The following SLC38A9 variants were observed in gnomAD, a reference collection of about 807,000 sequenced individuals.
SLC38A9 encodes neutral amino acid transporter 9.
SLC38A9 carries 48 observed loss-of-function variants against 62.3 expected under a neutral mutation model. The observed-to-expected ratio is 0.77, with a 90% CI of 0.61 to 0.98. The LOEUF is 0.98. Among genes scored for constraint, SLC38A9 ranks in the 50% least tolerant of loss-of-function variants. The pLI is 0.00. For missense variants in SLC38A9, 541 were observed against 679.8 expected (o/e 0.80, Z 2.27); for synonymous variants, 204 against 227.7 (o/e 0.90, Z 0.94).
intron 8 of SLC38A9, among the ~76,000 whole-genome samples, chr5:55,661,826 C>T (rs1374884221): frequency 6.6e-6 from 1 of 152,030 alleles, no homozygotes; most frequent in Non-Finnish European, 1.5e-5. Context: ...TACAGAGTTC[C>T]TATAGGTAAG....
At chr5:55,689,769 T>G (rs1754470674) in intron 3 of SLC38A9, among the ~76,000 whole-genome samples, 1 of 152,182 alleles carries the variant, frequency 6.6e-6, no homozygotes, top group African/African-American at 2.4e-5. Flanking sequence ...TTTTTTGACT[T>G]TATGATGGTT....
chr5:55,670,402 A>G (rs900505727), intron 4 of SLC38A9, among the ~76,000 whole-genome samples: 5 of 152,260 alleles, frequency 3.3e-5, no homozygotes, highest in African/African-American at 1.2e-4. Flanking sequence ...TGGAATTTTC[A>G]GAAAACGAGT....
intron 3 of SLC38A9, among the ~76,000 whole-genome samples, chr5:55,687,548 T>C (rs1580356821): frequency 6.6e-6 from 1 of 152,300 alleles, no homozygotes; most frequent in Middle Eastern, 3.4e-3. Context: ...TTTAATGATA[T>C]TGATTCTTCC....
Position 55,669,862 on chromosome 5 carries a change from T to C in SLC38A9, c.264A>G (p.Val88=). 1 of 1,608,512 alleles carries C rather than the reference T, an allele frequency of 6.2e-7. No homozygotes were observed. Among genetic ancestry groups the C allele is most frequent in the African/African-American group, 1.3e-5 (1 of 74,668 alleles). Residue 88 remains valine, a synonymous_variant, in exon 5 of 16, where the codon GTA becomes GTG. Transcript: ENST00000396865. The stretch of plus-strand genomic sequence containing the variant: ...CATAGCACTCTTCTGGAGCTGGAAC[T>C]ACATGGTCTGGGGCAATCTGGTAAA... ...ADKALIAPDH[V]VPAPEECYVY...
At chr5:55,664,617 T>A in intron 8 of SLC38A9, 76 bp downstream of exon 8, 1 of 793,522 alleles carries the variant, frequency 1.3e-6, no homozygotes, top group Non-Finnish European at 1.8e-6. Context: ...TCCTAGAATT[T>A]AAGGCTAGAA....
At chr5:55,651,514 T>C (rs532205666) in intron 10 of SLC38A9, among the ~76,000 whole-genome samples, 11 of 151,904 alleles carry the variant, frequency 7.2e-5, no homozygotes, top group Middle Eastern at 6.9e-3. Flanking sequence ...TCCCAAAGTG[T>C]TGGGAATACA....
chr5:55,661,674 T>G (rs890555495), intron 8 of SLC38A9, among the ~76,000 whole-genome samples: 1 of 152,046 alleles, frequency 6.6e-6, no homozygotes, highest in Admixed American at 6.6e-5. Flanking sequence ...GGAAGAGTTG[T>G]GAATCATAAT....
intron 2 of SLC38A9, among the ~76,000 whole-genome samples, chr5:55,703,779 A>G (rs1428890198): frequency 6.6e-6 from 1 of 152,246 alleles, no homozygotes; most frequent in East Asian, 1.9e-4. Context: ...AATCTGTTAA[A>G]TCTTCTTAGT....
At chr5:55,677,926 T>TGTGTGTGTGTG (rs1554062822) in intron 3 of SLC38A9, among the ~76,000 whole-genome samples, 3,009 of 112,128 alleles carry the variant, frequency 0.027, 237 homozygotes, top group African/African-American at 0.048. Context: ...TTTTTCTTTA[T>TGTGTGTGTGTG]TGTGTGTGTG....
At chr5:55,680,209 ATATATC>A (rs368216832) in intron 3 of SLC38A9, among the ~76,000 whole-genome samples, 2 of 87,630 alleles carry the variant, frequency 2.3e-5, no homozygotes, top group South Asian at 4.6e-4. Flanking sequence ...GTTTCAGTGT[ATATATC>A]TATATATATA....
chr5:55,677,906 C>A (rs1469355135), intron 3 of SLC38A9, among the ~76,000 whole-genome samples: 1 of 67,770 alleles, frequency 1.5e-5, no homozygotes, highest in Non-Finnish European at 3.7e-5. Context: ...CCCTCTAAAT[C>A]AATACTTTTT....
At chr5:55,630,648 A>G (rs559955493) in intron 14 of SLC38A9, among the ~76,000 whole-genome samples, 35 of 152,056 alleles carry the variant, frequency 2.3e-4, no homozygotes, top group African/African-American at 7.2e-4. Context: ...AGTTATTTTT[A>G]TTTTTTTAAA....
At chr5:55,697,599 C>A (rs1256794861) in intron 3 of SLC38A9, among the ~76,000 whole-genome samples, 1 of 149,252 alleles carries the variant, frequency 6.7e-6, no homozygotes, top group South Asian at 2.1e-4. Flanking sequence ...TATCAATGTA[C>A]CTTACTTTGT....
intron 9 of SLC38A9, among the ~76,000 whole-genome samples, chr5:55,653,960 A>G (rs143774508): frequency 3.4e-4 from 52 of 152,284 alleles, no homozygotes; most frequent in African/African-American, 1.2e-3. Flanking sequence ...CTGGGCCTAA[A>G]CGTATGTTTC....
At chr5:55,651,014 C>A (rs2150172077) in intron 10 of SLC38A9, among the ~76,000 whole-genome samples, 1 of 152,178 alleles carries the variant, frequency 6.6e-6, no homozygotes, top group African/African-American at 2.4e-5. Flanking sequence ...TGGTCTCGAA[C>A]TCCTGACCTC....
At position 55,656,700 on chromosome 5, in the gene SLC38A9, T is replaced by G; in HGVS notation, c.757+15A>C. On this transcript the variant is annotated intron_variant, in intron 9 of 15. Coordinates refer to ENST00000396865, the MANE Select transcript of SLC38A9 (RefSeq NM_173514.4). ...GTGGAGAGTAAAGAAACAAACAACA[T>G]CCCAAACTACTTACCAGGGTTGCTA... The G allele has an allele frequency of 6.3e-7, 1 of 1,578,088 alleles. No homozygotes were observed. The highest frequency in any genetic ancestry group is 8.7e-7 in the Non-Finnish European group (1 of 1,147,812).
intron 3 of SLC38A9, chr5:55,691,285 A>G (rs911979561): frequency 1.3e-6 from 2 of 1,486,520 alleles, no homozygotes; most frequent in African/African-American, 2.8e-5. Context: ...CAAGCTGACA[A>G]CAGAGCCCTG....
At chr5:55,650,267 TAGA>T (rs1213625151) in intron 10 of SLC38A9, among the ~76,000 whole-genome samples, 4 of 152,182 alleles carry the variant, frequency 2.6e-5, no homozygotes, top group East Asian at 1.9e-4. Context: ...GTGTAGAAGG[TAGA>T]AGATTATTCC....
intron 2 of SLC38A9, among the ~76,000 whole-genome samples, chr5:55,710,830 G>A (rs1362353397): frequency 6.6e-6 from 1 of 151,158 alleles, no homozygotes; most frequent in East Asian, 2.0e-4. Context: ...ATATTGGCCA[G>A]GATAGTCTTG....
Sources: allele counts gnomAD v4.1 joint callset (sites outside exome capture counted in the v4.1 genomes callset), GRCh38; gene constraint gnomAD v4.1.1; transcripts MANE v1.5; gene names NCBI Gene and HGNC (gene_info 2026-07-23, HGNC 2026-07-21).